Variants in GPC6 observed in about 807,000 individuals in gnomAD.
GPC6 encodes glypican-6.
Under a neutral mutation model 55.2 loss-of-function variants are expected in GPC6, and 14 were observed. The observed-to-expected ratio is 0.25, with a 90% CI of 0.17 to 0.40. GPC6 has a LOEUF of 0.40. Ranked by LOEUF, GPC6 falls within the 10% of genes least tolerant of loss-of-function variation. The pLI, the probability that GPC6 is intolerant of heterozygous loss-of-function variation, is 1.00. For missense variants in GPC6, 641 were observed against 708.5 expected (o/e 0.90, Z 1.08); for synonymous variants, 278 against 259.6 (o/e 1.07, Z -0.68).
At chr13:94,163,840 A>G (rs978279646) in intron 4 of GPC6, among the ~76,000 whole-genome samples, 1 of 152,174 alleles carries the variant, frequency 6.6e-6, no homozygotes, top group Non-Finnish European at 1.5e-5. Context: ...GAAAGGCATT[A>G]CATAATCTTA....
chr13:93,714,377 A>AAAACC (rs1181781177), intron 2 of GPC6, among the ~76,000 whole-genome samples: 1 of 151,952 alleles, frequency 6.6e-6, no homozygotes. Flanking sequence ...TCAAAACCAC[A>AAAACC]ATGAGATACC....
intron 2 of GPC6, among the ~76,000 whole-genome samples, chr13:93,616,968 T>C (rs1263294504): frequency 6.6e-6 from 1 of 152,110 alleles, no homozygotes; most frequent in African/African-American, 2.4e-5. Flanking sequence ...TCTCCTAAGA[T>C]GGATTGAATG....
intron 1 of GPC6, among the ~76,000 whole-genome samples, chr13:93,458,361 C>T (rs1172590472): frequency 1.3e-5 from 2 of 152,138 alleles, no homozygotes; most frequent in Non-Finnish European, 2.9e-5. Context: ...TAGCATTTAT[C>T]ACACAGCCAT....
intron 2 of GPC6, among the ~76,000 whole-genome samples, chr13:93,780,178 AT>A (rs1030100337): frequency 1.3e-5 from 2 of 152,122 alleles, no homozygotes; most frequent in East Asian, 3.9e-4. Flanking sequence ...TAAAAAAAGC[AT>A]TTTTTTCCGC....
chr13:93,814,583 T>C lies in GPC6; in HGVS notation c.320-15571T>C, dbSNP rs149839635. Among the ~76,000 whole-genome samples, 512 of 152,346 alleles carry C rather than the reference T, an allele frequency of 3.4e-3. 1 individual carries two copies. The highest frequency in any genetic ancestry group is 5.8e-3 in the Non-Finnish European group (397 of 68,034). On this transcript the variant is annotated intron_variant, in intron 2 of 8. Transcript: ENST00000377047. ...ACTTTGGAACTGTAGGCTTTGGGGC[T>C]TTGGGGACCCACTTAATTTGACATC...
chr13:93,385,765 T>G (rs1158555319), intron 1 of GPC6, among the ~76,000 whole-genome samples: 1 of 152,168 alleles, frequency 6.6e-6, no homozygotes, highest in East Asian at 1.9e-4. Context: ...CCTGTTGTAA[T>G]TATAGTTTAC....
At chr13:93,654,068 G>T (rs1362020224) in intron 2 of GPC6, among the ~76,000 whole-genome samples, 1 of 152,076 alleles carries the variant, frequency 6.6e-6, no homozygotes, top group Non-Finnish European at 1.5e-5. Flanking sequence ...CATTTTGTAT[G>T]TTGAGAAGAA....
chr13:93,964,857 C>A lies in GPC6; in HGVS notation c.712-62872C>A, dbSNP rs150182670. Among the ~76,000 whole-genome samples, 26 of 152,176 alleles carry A rather than the reference C, an allele frequency of 1.7e-4. No individual in the cohort carries two copies. In the East Asian group the frequency reaches 4.8e-3, roughly 28 times the overall value. ...CATTTCCATTATGGCTCCAGTAATT[C>A]TCATTCTGTTCCGCTGACTTCTACA... On this transcript the variant is annotated intron_variant, in intron 3 of 8. Coordinates refer to ENST00000377047, the MANE Select transcript of GPC6 (RefSeq NM_005708.5).
At chr13:93,234,351 C>T (rs967877259) in intron 1 of GPC6, among the ~76,000 whole-genome samples, 1 of 152,128 alleles carries the variant, frequency 6.6e-6, no homozygotes, top group Non-Finnish European at 1.5e-5. Context: ...TGTCGTCCTC[C>T]CCCACCCCCA....
chr13:93,453,707 C>A (rs1382761462), intron 1 of GPC6, among the ~76,000 whole-genome samples: 1 of 151,354 alleles, frequency 6.6e-6, no homozygotes, highest in Non-Finnish European at 1.5e-5. Context: ...TAAGGCAGTG[C>A]GTCTGGAGTT....
chr13:93,992,294 T>A (rs1181758965), intron 3 of GPC6, among the ~76,000 whole-genome samples: 1 of 152,008 alleles, frequency 6.6e-6, no homozygotes, highest in Non-Finnish European at 1.5e-5. Flanking sequence ...TTTAAGATAA[T>A]GTTAATTATT....
Position 94,327,608 on chromosome 13 carries a change from C to T in GPC6, c.1152+21485C>T, listed in dbSNP as rs566256745. On this transcript the variant is annotated intron_variant, in intron 6 of 8. Coordinates refer to ENST00000377047, the MANE Select transcript of GPC6 (RefSeq NM_005708.5). ...TCACGAAACTGACACTTTACTCTGA[C>T]CCAGGTCCCCTTTTCAAGAGTTTCA... 2.8e-4 allele frequency among the ~76,000 whole-genome samples: 42 copies of T among 152,318 alleles called. 1 individual carries two copies. The highest frequency in any genetic ancestry group is 5.2e-4 in the Admixed American group (8 of 15,302).
rs149410825 is a variant in GPC6, at chr13:93,931,484, G to A, written c.712-96245G>A. ...TAAAAGATCAGAAGGTGGGCCAGGC[G>A]TAGTGGCTCACGCTCACGCATGTAA... On this transcript the variant is annotated intron_variant, in intron 3 of 8. Coordinates refer to ENST00000377047, the MANE Select transcript of GPC6 (RefSeq NM_005708.5). Among the ~76,000 whole-genome samples, 343 of 151,400 alleles carry A rather than the reference G, an allele frequency of 2.3e-3. 1 individual carries two copies. Among genetic ancestry groups the A allele is most frequent in the African/African-American group, 7.5e-3 (308 of 41,260 alleles).
At chr13:94,178,241 C>T (rs995907935) in intron 4 of GPC6, among the ~76,000 whole-genome samples, 1 of 152,076 alleles carries the variant, frequency 6.6e-6, no homozygotes, top group Non-Finnish European at 1.5e-5. Context: ...TTGTGATCTG[C>T]CCACCTTGGC....
chr13:94,163,857 T>A (rs1418625473), intron 4 of GPC6, among the ~76,000 whole-genome samples: 4 of 152,156 alleles, frequency 2.6e-5, no homozygotes, highest in African/African-American at 9.7e-5. Context: ...CTTAATTTTC[T>A]TAAAACTAGA....
chr13:93,424,344 C>T lies in GPC6; in HGVS notation c.161-120919C>T, dbSNP rs147484793. ...GATGTTGGTTGTGTTAGGGTTAGGGCATAATCTTAGGCAAAGCAGCTCTCT... is the reference window on the plus strand; with the variant it reads ...GATGTTGGTTGTGTTAGGGTTAGGGTATAATCTTAGGCAAAGCAGCTCTCT... On this transcript the variant is annotated intron_variant, in intron 1 of 8. Transcript: ENST00000377047. Among the ~76,000 whole-genome samples the T allele has an allele frequency of 2.2e-3, 329 of 152,258 alleles. 1 individual carries two copies. The highest frequency in any genetic ancestry group is 3.3e-3 in the Non-Finnish European group (225 of 68,018).
intron 1 of GPC6, among the ~76,000 whole-genome samples, chr13:93,339,205 T>C (rs1390064046): frequency 6.6e-6 from 1 of 152,194 alleles, no homozygotes; most frequent in Non-Finnish European, 1.5e-5. Context: ...TCCTCCTCTA[T>C]CTGATGGTCT....
chr13:93,371,389 A>G (rs900256474), intron 1 of GPC6, among the ~76,000 whole-genome samples: 1 of 152,152 alleles, frequency 6.6e-6, no homozygotes, highest in African/African-American at 2.4e-5. Context: ...GAGAGATAAT[A>G]TTGGTTCATT....
intron 4 of GPC6, among the ~76,000 whole-genome samples, chr13:94,157,065 G>A (rs1887976035): frequency 6.6e-6 from 1 of 152,146 alleles, no homozygotes; most frequent in South Asian, 2.1e-4. Flanking sequence ...AGAGGCTGAT[G>A]AGTGTAGTGG....
Sources: gnomAD v4.1 joint callset for allele counts (sites outside exome capture counted in the v4.1 genomes callset) on GRCh38, gnomAD v4.1.1 for gene constraint, MANE v1.5 for transcripts, NCBI Gene and HGNC (gene_info 2026-07-23, HGNC 2026-07-21) for gene names.